GALNTL6: variants seen among roughly 807,000 people sequenced by gnomAD.
GALNTL6 encodes polypeptide N-acetylgalactosaminyltransferase-like 6.
GALNTL6 carries 46 observed loss-of-function variants against 73.7 expected under a neutral mutation model. The observed-to-expected ratio is 0.62, with a 90% confidence interval of 0.49 to 0.80. The LOEUF is 0.80. GALNTL6 is among the 30% of genes least tolerant of loss of function. The pLI, the probability that GALNTL6 is intolerant of heterozygous loss-of-function variation, is 0.00. For synonymous variants in GALNTL6, 259 were observed against 263.7 expected, an observed-to-expected ratio of 0.98 and a Z score of 0.17; for missense variants, 604 against 755.0, an observed-to-expected ratio of 0.80 and a Z score of 2.34.
chr4:172,483,521 C>A (rs1733566813), intron 5 of GALNTL6, among the ~76,000 whole-genome samples: 1 of 152,084 alleles, frequency 6.6e-6, no homozygotes, highest in Admixed American at 6.5e-5. Context: ...CAATAATTAT[C>A]CACAATCTTT....
At chr4:172,762,094 G>A (rs1445936171) in intron 5 of GALNTL6, among the ~76,000 whole-genome samples, 1 of 152,170 alleles carries the variant, frequency 6.6e-6, no homozygotes, top group Non-Finnish European at 1.5e-5. Context: ...ATTCTTCTGT[G>A]CTCAAGTAAT....
intron 2 of GALNTL6, among the ~76,000 whole-genome samples, chr4:172,071,243 A>G (rs1405308239): frequency 9.1e-6 from 1 of 109,764 alleles, no homozygotes; most frequent in Non-Finnish European, 2.0e-5. Flanking sequence ...GAGGATGGTC[A>G]GCTCTCTCAT....
At chr4:172,185,919 C>T (rs976327044) in intron 2 of GALNTL6, among the ~76,000 whole-genome samples, 14 of 152,016 alleles carry the variant, frequency 9.2e-5, no homozygotes, top group Admixed American at 2.0e-4. Flanking sequence ...GCAAAATAGG[C>T]GCAACAAAAA....
chr4:172,840,165 A>G (rs191077293), intron 7 of GALNTL6, among the ~76,000 whole-genome samples: 1 of 152,342 alleles, frequency 6.6e-6, no homozygotes, highest in Admixed American at 6.5e-5. Context: ...GTACTGCCCA[A>G]ATTCTAAAGA....
chr4:172,500,192 A>G (rs1445176568), intron 5 of GALNTL6, among the ~76,000 whole-genome samples: 3 of 152,170 alleles, frequency 2.0e-5, no homozygotes, highest in Non-Finnish European at 2.9e-5. Context: ...AAGCTGAGAC[A>G]GGAGGATCAC....
chr4:172,976,518 C>T (rs1378367535), intron 10 of GALNTL6, among the ~76,000 whole-genome samples: 1 of 152,116 alleles, frequency 6.6e-6, no homozygotes, highest in Non-Finnish European at 1.5e-5. Flanking sequence ...GCATTTCTTT[C>T]CAGAACATCA....
intron 5 of GALNTL6, among the ~76,000 whole-genome samples, chr4:172,439,928 T>A (rs979298736): frequency 2.6e-5 from 4 of 152,052 alleles, no homozygotes; most frequent in African/African-American, 9.7e-5. Flanking sequence ...CAAATCATAA[T>A]CACCCGAAGT....
intron 3 of GALNTL6, among the ~76,000 whole-genome samples, chr4:172,241,344 A>G (rs1251616334): frequency 2.6e-5 from 4 of 152,226 alleles, no homozygotes; most frequent in African/African-American, 9.6e-5. Flanking sequence ...TAAGAAAAAT[A>G]TATTATTTCC....
At chr4:172,022,730 G>A (rs1486555581) in intron 2 of GALNTL6, among the ~76,000 whole-genome samples, 1 of 151,788 alleles carries the variant, frequency 6.6e-6, no homozygotes, top group Non-Finnish European at 1.5e-5. Context: ...CTTGGTGAAT[G>A]TAAGTCATAG....
chr4:172,986,517 T>A (rs547423285), intron 10 of GALNTL6, among the ~76,000 whole-genome samples: 1 of 152,288 alleles, frequency 6.6e-6, no homozygotes, highest in South Asian at 2.1e-4. Context: ...GAGATTTGGG[T>A]CAGGTTGTTA....
intron 5 of GALNTL6, among the ~76,000 whole-genome samples, chr4:172,567,909 C>A (rs1736617069): frequency 6.6e-6 from 1 of 152,074 alleles, no homozygotes; most frequent in Non-Finnish European, 1.5e-5. Flanking sequence ...AGTGCCAGAA[C>A]CTGAATTGAA....
chr4:172,261,479 A>C (rs536547547), intron 3 of GALNTL6, among the ~76,000 whole-genome samples: 1 of 151,446 alleles, frequency 6.6e-6, no homozygotes, highest in African/African-American at 2.4e-5. Flanking sequence ...CATTGAGACT[A>C]TTTGGATCTT....
intron 5 of GALNTL6, among the ~76,000 whole-genome samples, chr4:172,597,797 G>A (rs1737918519): frequency 6.6e-6 from 1 of 152,018 alleles, no homozygotes; most frequent in South Asian, 2.1e-4. Context: ...TTGAGTGTGG[G>A]GACATTAAAT....
intron 8 of GALNTL6, among the ~76,000 whole-genome samples, chr4:172,895,814 CTTT>C (rs1268791656): frequency 6.6e-6 from 1 of 151,968 alleles, no homozygotes; most frequent in Non-Finnish European, 1.5e-5. Context: ...TCTTTGTATT[CTTT>C]TTCTTTTTTC....
At chr4:172,991,957 G>C (rs961679822) in intron 10 of GALNTL6, among the ~76,000 whole-genome samples, 4 of 152,190 alleles carry the variant, frequency 2.6e-5, no homozygotes, top group Non-Finnish European at 5.9e-5. Context: ...CTCACACACA[G>C]AATTTCTCTT....
chr4:172,020,255 C>T (rs1185554834), intron 2 of GALNTL6, among the ~76,000 whole-genome samples: 2 of 151,380 alleles, frequency 1.3e-5, no homozygotes, highest in African/African-American at 4.8e-5. Context: ...TCTTAAAGAA[C>T]TAGAAAGGCA....
At chr4:172,105,097 AAAG>A (rs1464343352) in intron 2 of GALNTL6, among the ~76,000 whole-genome samples, 1 of 152,212 alleles carries the variant, frequency 6.6e-6, no homozygotes. Flanking sequence ...AAGGGAAAAA[AAAG>A]AAGAAAAAGA....
At chr4:171,948,741 C>A (rs1173215485) in intron 2 of GALNTL6, among the ~76,000 whole-genome samples, 1 of 152,078 alleles carries the variant, frequency 6.6e-6, no homozygotes, top group Non-Finnish European at 1.5e-5. Context: ...CAAACATTTT[C>A]TCTTCCATCA....
chr4:172,795,740 C>T (rs1740226530), intron 5 of GALNTL6, among the ~76,000 whole-genome samples: 1 of 151,956 alleles, frequency 6.6e-6, no homozygotes, highest in Non-Finnish European at 1.5e-5. Context: ...TTATTATTGA[C>T]TATAGATTAA....
Sources: gnomAD v4.1 joint callset for allele counts (sites outside exome capture counted in the v4.1 genomes callset) on GRCh38, gnomAD v4.1.1 for gene constraint, MANE v1.5 for transcripts, NCBI Gene and HGNC (gene_info 2026-07-23, HGNC 2026-07-21) for gene names.